CCDC171: variants seen among roughly 807,000 people sequenced by gnomAD.
CCDC171 encodes the protein coiled-coil domain-containing protein 171.
In CCDC171, 177 loss-of-function variants were observed where a neutral mutation model predicts 168.2. The observed-to-expected ratio is 1.05, with a 90% CI of 0.93 to 1.19. CCDC171 has a LOEUF of 1.19. CCDC171 is among the 50% of genes most tolerant of loss of function. The pLI is 0.00. For synonymous variants in CCDC171, 687 were observed against 540.8 expected (o/e 1.27, Z -3.75); for missense variants, 1,991 against 1,539.0 (o/e 1.29, Z -4.91).
intron 3 of CCDC171, among the ~76,000 whole-genome samples, chr9:16,016,435 G>T (rs1833019827): frequency 6.6e-6 from 1 of 152,124 alleles, no homozygotes; most frequent in African/African-American, 2.4e-5. Context: ...ATGAAAGAAA[G>T]AAAGAATAAA....
intron 3 of CCDC171, among the ~76,000 whole-genome samples, chr9:15,572,400 C>T (rs2040303449): frequency 6.6e-6 from 1 of 152,110 alleles, no homozygotes; most frequent in Non-Finnish European, 1.5e-5. Context: ...TCAAATTACA[C>T]AGAGCTCAAT....
intron 2 of CCDC171, among the ~76,000 whole-genome samples, chr9:15,567,264 C>G (rs1421975609): frequency 3.3e-5 from 5 of 152,244 alleles, no homozygotes; most frequent in South Asian, 2.1e-4. Flanking sequence ...TTGTGATCCA[C>G]CGGCCTCAGC....
chr9:15,626,755 G>A (rs1357446503), intron 7 of CCDC171, among the ~76,000 whole-genome samples: 1 of 152,126 alleles, frequency 6.6e-6, no homozygotes, highest in African/African-American at 2.4e-5. Flanking sequence ...TGTTCATCAG[G>A]GATATTGGTC....
chr9:15,809,853 C>T (rs1206153982), intron 21 of CCDC171, among the ~76,000 whole-genome samples: 1 of 152,180 alleles, frequency 6.6e-6, no homozygotes, highest in Admixed American at 6.5e-5. Context: ...CTTTTATTCC[C>T]TTATCTGGAC....
In CCDC171 at chr9:15,721,875, G is replaced by C. The variant is rs1466758134; in HGVS notation, c.1425G>C (p.Glu475Asp). 2.0e-6 allele frequency: 3 copies of C among 1,517,262 alleles called. No homozygotes were observed. Among genetic ancestry groups the C allele is most frequent in the African/African-American group, 1.4e-5 (1 of 71,148 alleles). 94.0% of individuals were successfully genotyped at this position (1,517,262 alleles called of 1,614,324 possible). A position where few individuals can be genotyped will look rare whatever the true frequency, so the allele number is the denominator to read the frequency against. ...ACAAGCTGGAAGATGCATCTAATGA[G>C]GTAACACTTGCACTGTTTGGCTCCA... Reference protein sequence around the residue: ...YQNKLEDASNEEKACNELDST... With the variant: ...YQNKLEDASNDEKACNELDST... The change falls in exon 12 of 26, where the codon GAG (glutamate) becomes GAC (aspartate). Residue 475 changes from glutamate to aspartate, a missense_variant and splice_region_variant. Glu to Asp is a conservative substitution (Grantham distance 45). Coordinates refer to ENST00000380701, the MANE Select transcript of CCDC171 (RefSeq NM_173550.4).
chr9:15,946,734 CA>C (rs1166864172), intron 25 of CCDC171, among the ~76,000 whole-genome samples: 2 of 152,004 alleles, frequency 1.3e-5, no homozygotes, highest in East Asian at 3.9e-4. Flanking sequence ...GCCAAAAGAA[CA>C]AAGCTGGAGG....
At chr9:15,780,418 C>T (rs1359140899) in intron 20 of CCDC171, among the ~76,000 whole-genome samples, 6 of 151,980 alleles carry the variant, frequency 3.9e-5, no homozygotes, top group Admixed American at 3.9e-4. Flanking sequence ...TATGGTGGCT[C>T]ATGCCTGTAA....
chr9:15,716,395 G>C (rs2053089393), intron 11 of CCDC171, among the ~76,000 whole-genome samples: 2 of 152,068 alleles, frequency 1.3e-5, no homozygotes, highest in South Asian at 4.1e-4. Context: ...CCATACTGCA[G>C]TGATTAAAAG....
At chr9:16,106,445 C>T in the CCDC171 span, among the ~76,000 whole-genome samples, 2 of 152,128 alleles carry the variant, frequency 1.3e-5, no homozygotes, top group East Asian at 1.9e-4. Flanking sequence ...CTGCCTCTCC[C>T]GGGCCTCCCA....
At chr9:16,085,612 C>T in the CCDC171 span, among the ~76,000 whole-genome samples, 1 of 152,236 alleles carries the variant, frequency 6.6e-6, no homozygotes, top group Non-Finnish European at 1.5e-5. Flanking sequence ...CACAGCTACA[C>T]TGGGAAGATT....
the CCDC171 span, among the ~76,000 whole-genome samples, chr9:16,104,735 CT>C: frequency 6.9e-4 from 102 of 148,122 alleles, no homozygotes; most frequent in East Asian, 7.9e-3. Context: ...TCATTCATTG[CT>C]TTTTTTTTTT....
intron 21 of CCDC171, among the ~76,000 whole-genome samples, chr9:15,837,832 G>A (rs1003264850): frequency 6.6e-6 from 1 of 152,168 alleles, no homozygotes; most frequent in Non-Finnish European, 1.5e-5. Flanking sequence ...GGGAAAGCCG[G>A]TACCAACCCT....
At chr9:15,906,826 C>T (rs1163826081) in intron 24 of CCDC171, among the ~76,000 whole-genome samples, 1 of 152,070 alleles carries the variant, frequency 6.6e-6, no homozygotes, top group Non-Finnish European at 1.5e-5. Flanking sequence ...TCAGCAAAGT[C>T]TCTGGATACA....
chr9:15,583,972 A>C (rs749069915), intron 4 of CCDC171, among the ~76,000 whole-genome samples: 29 of 152,122 alleles, frequency 1.9e-4, no homozygotes, highest in African/African-American at 5.8e-4. Context: ...GGTTCAAGCA[A>C]TTCTCTGCCT....
At chr9:15,662,202 G>T (rs2048371206) in intron 8 of CCDC171, among the ~76,000 whole-genome samples, 1 of 152,128 alleles carries the variant, frequency 6.6e-6, no homozygotes, top group Non-Finnish European at 1.5e-5. Context: ...GCTTGAGCCT[G>T]GGAGGTGGAA....
At chr9:15,667,869 A>G (rs939148791) in intron 9 of CCDC171, among the ~76,000 whole-genome samples, 1 of 152,218 alleles carries the variant, frequency 6.6e-6, no homozygotes, top group Non-Finnish European at 1.5e-5. Context: ...TCCCTCTAGT[A>G]TGACTTAAAT....
chr9:15,675,063 A>G (rs1043024101), intron 9 of CCDC171, among the ~76,000 whole-genome samples: 2 of 151,736 alleles, frequency 1.3e-5, no homozygotes, highest in Non-Finnish European at 2.9e-5. Context: ...GCGAATATAT[A>G]TTTAGGACAG....
intron 21 of CCDC171, among the ~76,000 whole-genome samples, chr9:15,841,498 G>T (rs184398765): frequency 6.6e-6 from 1 of 151,810 alleles, no homozygotes; most frequent in East Asian, 1.9e-4. Flanking sequence ...CCTGAAAGTG[G>T]GTAAGTTATT....
At chr9:16,104,935 G>A in the CCDC171 span, among the ~76,000 whole-genome samples, 2 of 152,110 alleles carry the variant, frequency 1.3e-5, no homozygotes, top group African/African-American at 2.4e-5. Context: ...GGTACCAGCA[G>A]ACCATCTCAT....
Sources: allele counts gnomAD v4.1 joint callset (sites outside exome capture counted in the v4.1 genomes callset), GRCh38; gene constraint gnomAD v4.1.1; transcripts MANE v1.5; gene names NCBI Gene and HGNC (gene_info 2026-07-23, HGNC 2026-07-21).